Variants in TTC6 observed in about 807,000 individuals in gnomAD.
TTC6 encodes the protein tetratricopeptide repeat domain 6.
Under a neutral mutation model 210.4 loss-of-function variants are expected in TTC6, and 172 were observed. That is an observed-to-expected ratio of 0.82 (90% CI 0.72 to 0.93). The LOEUF is 0.93. TTC6 is among the 40% of genes least tolerant of loss of function. The probability of loss-of-function intolerance (pLI) is 0.00; values close to 1 mark genes in which losing one functional copy is unlikely to be tolerated. For synonymous variants in TTC6, 804 were observed against 819.6 expected (o/e 0.98, Z 0.32); for missense variants, 2,414 against 2,318.1 (o/e 1.04, Z -0.85).
exon 30 of TTC6, chr14:37,841,598 G>C (rs780456192): frequency 1.7e-5 from 28 of 1,606,168 alleles, no homozygotes; most frequent in Admixed American, 3.5e-5. Context: ...TTGGGCTGCA[G>C]TATATTTTAA....
At chr14:37,699,244 T>C (rs1317100401) in intron 4 of TTC6, among the ~76,000 whole-genome samples, 1 of 152,204 alleles carries the variant, frequency 6.6e-6, no homozygotes, top group Non-Finnish European at 1.5e-5. Context: ...GACTGACAGA[T>C]GTAGCCCTAT....
intron 14 of TTC6, among the ~76,000 whole-genome samples, chr14:37,781,822 T>A (rs2096055648): frequency 6.6e-6 from 1 of 152,206 alleles, no homozygotes; most frequent in Admixed American, 6.5e-5. Context: ...AAGGAAGGGA[T>A]CCAGTTTCAG....
intron 1 of TTC6, among the ~76,000 whole-genome samples, chr14:37,645,134 A>G (rs537436575): frequency 6.6e-6 from 1 of 152,274 alleles, no homozygotes; most frequent in South Asian, 2.1e-4. Flanking sequence ...TTTGTGCATT[A>G]TGGTACTTTT....
intron 1 of TTC6, among the ~76,000 whole-genome samples, chr14:37,623,407 G>A (rs991556090): frequency 6.6e-6 from 1 of 152,198 alleles, no homozygotes; most frequent in African/African-American, 2.4e-5. Context: ...TACAGCAAAA[G>A]TGCATTTATA....
intron 7 of TTC6, among the ~76,000 whole-genome samples, chr14:37,727,555 A>G (rs913849617): frequency 6.6e-6 from 1 of 151,808 alleles, no homozygotes; most frequent in African/African-American, 2.4e-5. Flanking sequence ...GGCCTCCCAA[A>G]GTTCTGGGAT....
chr14:37,680,820 G>T (rs2138547058), intron 2 of TTC6, among the ~76,000 whole-genome samples: 1 of 152,224 alleles, frequency 6.6e-6, no homozygotes, highest in South Asian at 2.1e-4. Flanking sequence ...TAGCCTGATG[G>T]TCAGTTCCTC....
intron 1 of TTC6, among the ~76,000 whole-genome samples, chr14:37,652,236 A>G (rs986661361): frequency 6.6e-6 from 1 of 152,206 alleles, no homozygotes; most frequent in Non-Finnish European, 1.5e-5. Flanking sequence ...TAGGTAAAAA[A>G]TGATCAGATC....
At chr14:37,817,784 G>T in intron 26 of TTC6, 133 bp downstream of exon 28, 2 of 838,610 alleles carry the variant, frequency 2.4e-6, no homozygotes, top group East Asian at 5.2e-5. Flanking sequence ...GTACAAAAAT[G>T]GGGAGGGACA....
rs537564332 is a variant in TTC6 at position 37,789,074 on chromosome 14, A to C, written c.3436+1437A>C. On this transcript the variant is annotated intron_variant, in intron 15 of 30. Coordinates refer to ENST00000553443, the Ensembl canonical transcript of TTC6. ...TTGATTTCAGCCTCCATCCTTTCCT[A>C]CCAGACAGCCCAAGGAGTTTTATCA... Among the ~76,000 whole-genome samples the C allele has an allele frequency of 1.6e-4, 25 of 152,186 alleles. No homozygotes were observed. In the South Asian group the frequency reaches 4.8e-3, roughly 29 times the overall value.
intron 21 of TTC6, among the ~76,000 whole-genome samples, chr14:37,805,383 G>T (rs567764687): frequency 6.6e-6 from 1 of 150,462 alleles, no homozygotes; most frequent in African/African-American, 2.4e-5. Flanking sequence ...CTATCCAATG[G>T]CTAATGTTGG....
At chr14:37,644,600 A>G (rs1215466653) in intron 1 of TTC6, among the ~76,000 whole-genome samples, 2 of 152,244 alleles carry the variant, frequency 1.3e-5, no homozygotes, top group African/African-American at 4.8e-5. Context: ...AAAGGGTAGA[A>G]GAAATAACGA....
chr14:37,749,172 T>C (rs1282858096), exon 11 of TTC6: 2 of 1,535,142 alleles, frequency 1.3e-6, no homozygotes, highest in Admixed American at 2.0e-5. Context: ...AAAATATCAG[T>C]TCCTGAAGAC....
rs2095609136 is a variant in TTC6 at position 37,598,612 on chromosome 14, T to C, written c.-235+2604T>C. Among the ~76,000 whole-genome samples, 1 of 152,050 alleles carries C rather than the reference T, an allele frequency of 6.6e-6. No individual in the cohort carries two copies. The highest frequency in any genetic ancestry group is 6.5e-5 in the Admixed American group (1 of 15,278). On this transcript the variant is annotated intron_variant, in intron 1 of 2. Transcript: ENST00000556845. This position sits in a 1 kb window ranked among gnomAD's most constrained non-coding sequence, Gnocchi z 4.9. ...CTTCCTCAGATATTCACCAGGCAGG[T>C]AGAAGCAGAGGGAGACGACGGCGAA...
At position 37,598,384 on chromosome 14, in the gene TTC6, C is replaced by G. The variant is rs1043992310; in HGVS notation, c.-235+2376C>G. On this transcript the variant is annotated intron_variant, in intron 1 of 2. Transcript: ENST00000556845. This position sits in a 1 kb window ranked among gnomAD's most constrained non-coding sequence, Gnocchi z 4.9. ...GCGGGCTCCTCAAGTGGGGGATCCGCGGCAGTGAGGACTGTAGGGTGCGCG... is the reference window on the plus strand; with the variant it reads ...GCGGGCTCCTCAAGTGGGGGATCCGGGGCAGTGAGGACTGTAGGGTGCGCG... Among the ~76,000 whole-genome samples the G allele has an allele frequency of 1.3e-5, 2 of 152,158 alleles. No homozygotes were observed. Among genetic ancestry groups the G allele is most frequent in the African/African-American group, 2.4e-5 (1 of 41,456 alleles).
intron 29 of TTC6, among the ~76,000 whole-genome samples, chr14:37,829,154 A>T (rs1345744818): frequency 6.6e-6 from 1 of 151,782 alleles, no homozygotes; most frequent in East Asian, 1.9e-4. Context: ...TCAACTTTTA[A>T]AATCCTTTGT....
chr14:37,622,557 G>C, exon 1 of TTC6: 4 of 1,534,918 alleles, frequency 2.6e-6, no homozygotes, highest in Non-Finnish European at 3.5e-6. Context: ...CAGAGCGCGC[G>C]GGGTCTTGGA....
chr14:37,754,487 C>T (rs924720677), intron 14 of TTC6, among the ~76,000 whole-genome samples: 6 of 151,652 alleles, frequency 4.0e-5, no homozygotes, highest in African/African-American at 9.7e-5. Flanking sequence ...GACTGGAGTG[C>T]GATGGCAAAG....
At chr14:37,783,216 T>C (rs1387809484) in intron 14 of TTC6, among the ~76,000 whole-genome samples, 1 of 152,118 alleles carries the variant, frequency 6.6e-6, no homozygotes, top group Non-Finnish European at 1.5e-5. Flanking sequence ...ACCAGCTCCT[T>C]TTTGTACCTC....
At chr14:37,756,608 G>A (rs1474960408) in intron 14 of TTC6, among the ~76,000 whole-genome samples, 1 of 152,158 alleles carries the variant, frequency 6.6e-6, no homozygotes, top group Non-Finnish European at 1.5e-5. Context: ...AGATAATCAT[G>A]TGATTTTTGT....
Sources: gnomAD v4.1 joint callset for allele counts (sites outside exome capture counted in the v4.1 genomes callset) on GRCh38, gnomAD v4.1.1 for gene constraint, Gnocchi (gnomAD v3.1) non-coding constraint, MANE v1.5 for transcripts, NCBI Gene and HGNC (gene_info 2026-07-23, HGNC 2026-07-21) for gene names.